Variants in QSER1 observed in about 807,000 individuals in gnomAD.
QSER1 encodes the protein glutamine and serine-rich protein 1.
QSER1 carries 49 observed loss-of-function variants against 158.5 expected under a neutral mutation model. That is an observed-to-expected ratio of 0.31 (90% confidence interval 0.25 to 0.39). The LOEUF (loss-of-function observed/expected upper bound fraction) is 0.39. Ranked by LOEUF, QSER1 falls within the 10% of genes least tolerant of loss-of-function variation. The pLI is 1.00. For synonymous variants in QSER1, 650 were observed against 715.5 expected (o/e 0.91, Z 1.46); for missense variants, 1,754 against 2,010.3 (o/e 0.87, Z 2.44).
In QSER1 at chr11:32,933,678, A is replaced by G. The variant is rs1373796502; in HGVS notation, c.2420A>G (p.Gln807Arg). The change falls in exon 4 of 13, where the codon CAG (glutamine) becomes CGG (arginine). Residue 807 changes from glutamine to arginine, a missense_variant. This residue lies in a region of QSER1 where 1,707 missense variants were observed against 1,919.6 expected (regional missense o/e 0.89). Transcript: ENST00000650167. ...QIRLNTKDLK[Q>R]QHPLILKVHE... ...AGGTTGAATACTAAAGACTTAAAGC[A>G]GCAACATCCTCTCATACTTAAGGTG... is the stretch of plus-strand genomic sequence containing the variant. 2.5e-6 allele frequency: 4 copies of G among 1,613,588 alleles called. No individual in the cohort carries two copies. The East Asian group carries it at 8.9e-5, about 36-fold the overall frequency.
chr11:32,935,554 G>A (rs533514323), intron 4 of QSER1, 119 bp downstream of exon 4: 21 of 703,762 alleles, frequency 3.0e-5, no homozygotes, highest in South Asian at 1.1e-4. Context: ...AGGACAAAAT[G>A]TATAGGTAGG....
At position 32,978,408 on chromosome 11, in the gene QSER1, T is replaced by G. The variant is rs1340893723; in HGVS notation, c.*1934T>G. 6.6e-6 allele frequency: 1 copy of G among 152,222 alleles called. No individual in the cohort carries two copies. Among genetic ancestry groups the G allele is most frequent in the African/African-American group, 2.4e-5 (1 of 41,460 alleles). The allele number at this position is 152,222 out of a possible 1,614,324, so 9.4% of individuals were successfully genotyped here. ...CCAAAGTGCAGAGTAGGGAACTACA[T>G]TTCCTAATGTGGCATTGTAAATATA... On this transcript the variant is annotated 3_prime_UTR_variant, in exon 13 of 13. Coordinates refer to ENST00000650167, the MANE Select transcript of QSER1 (RefSeq NM_001076786.3).
At chr11:32,903,688 C>G (rs1300082923) in intron 1 of QSER1, among the ~76,000 whole-genome samples, 1 of 152,078 alleles carries the variant, frequency 6.6e-6, no homozygotes, top group Non-Finnish European at 1.5e-5. Context: ...CTTGCTGCAA[C>G]TGCAGCCTCC....
intron 1 of QSER1, among the ~76,000 whole-genome samples, chr11:32,902,278 C>G (rs571089580): frequency 7.2e-4 from 109 of 152,194 alleles, no homozygotes; most frequent in Non-Finnish European, 1.2e-3. Flanking sequence ...CTGGCAGGAT[C>G]TTGCTGTAGC....
rs750429752 is a variant in QSER1, at chr11:32,956,097, G to A, written c.4727G>A (p.Arg1576Lys). 1 of 1,611,262 alleles carries A rather than the reference G, an allele frequency of 6.2e-7. No homozygotes were observed. ...GTCAGAGTGTGTTCTAAAAAGCCAAGAAATAAACCTTCACAAACTATCAGG... is the reference window on the plus strand; with the variant it reads ...GTCAGAGTGTGTTCTAAAAAGCCAAAAAATAAACCTTCACAAACTATCAGG... ...EYVRVCSKKP[R>K]NKPSQTIRTV... is the part of the protein sequence containing the mutation. The change falls in exon 7 of 13, where the codon AGA (arginine) becomes AAA (lysine). Residue 1576 changes from arginine to lysine, a missense_variant. Transcript: ENST00000650167.
At chr11:32,975,172 ATC>A in intron 11 of QSER1, 74 bp from the exon 12 acceptor site, 1 of 1,015,610 alleles carries the variant, frequency 9.8e-7, no homozygotes, top group Middle Eastern at 3.4e-4. Context: ...GAGACTTTTG[ATC>A]TAGTATTTTC....
chr11:32,959,339 C>T (rs1454042570), intron 8 of QSER1, among the ~76,000 whole-genome samples: 2 of 152,098 alleles, frequency 1.3e-5, no homozygotes, highest in Non-Finnish European at 2.9e-5. Context: ...TTTTCTAGAA[C>T]ATAAAGTAGA....
chr11:32,947,962 T>C (rs2133573836), intron 4 of QSER1, among the ~76,000 whole-genome samples: 1 of 152,366 alleles, frequency 6.6e-6, no homozygotes, highest in Non-Finnish European at 1.5e-5. Flanking sequence ...GAACATTTTT[T>C]CTTGCGAAAT....
chr11:32,940,163 A>T (rs1852208761), intron 4 of QSER1, among the ~76,000 whole-genome samples: 1 of 152,096 alleles, frequency 6.6e-6, no homozygotes, highest in African/African-American at 2.4e-5. Context: ...TTATTACTGC[A>T]TTTCAGCTCT....
chr11:32,966,520 A>G, intron 9 of QSER1, 83 bp downstream of exon 9: 1 of 1,342,034 alleles, frequency 7.5e-7, no homozygotes, highest in East Asian at 2.4e-5. Context: ...ATATGTTTAT[A>G]TGTGACTTGT....
chr11:32,970,921 G>A (rs1018710466), intron 10 of QSER1, among the ~76,000 whole-genome samples: 2 of 134,344 alleles, frequency 1.5e-5, no homozygotes, highest in African/African-American at 5.4e-5. Context: ...TATTAATTTT[G>A]ATAATTGTCA....
chr11:32,955,332 T>G lies in QSER1; in HGVS notation c.4537T>G (p.Trp1513Gly). ...LKTGKEPPAI[W>G]KVQKALLQKF... ...AACAGGAAAAGAACCTCCAGCTATT[T>G]GGAAAGTACAAAAAGCTTTATTACA... The change falls in exon 6 of 13, where the codon TGG (tryptophan) becomes GGG (glycine). Residue 1513 changes from tryptophan to glycine, a missense_variant. Trp to Gly is a radical substitution (Grantham distance 184, BLOSUM62 -2). Around this residue, in one of 2 missense-constraint regions of QSER1, gnomAD observed 1,707 missense variants for 1,919.6 expected, o/e 0.89. Coordinates refer to ENST00000650167, the MANE Select transcript of QSER1 (RefSeq NM_001076786.3). 6.3e-7 allele frequency: 1 copy of G among 1,597,792 alleles called. No homozygotes were observed. Among genetic ancestry groups the G allele is most frequent in the Non-Finnish European group, 8.5e-7 (1 of 1,174,552 alleles).
At chr11:32,970,232 A>G (rs1159449000) in intron 10 of QSER1, among the ~76,000 whole-genome samples, 2 of 152,196 alleles carry the variant, frequency 1.3e-5, no homozygotes, top group South Asian at 2.1e-4. Flanking sequence ...CTTCATTTCA[A>G]TTAGGTGAAA....
At chr11:32,895,457 GT>G (rs1055538833) in intron 1 of QSER1, among the ~76,000 whole-genome samples, 4 of 152,038 alleles carry the variant, frequency 2.6e-5, no homozygotes, top group African/African-American at 9.7e-5. Context: ...TTTGATTTCA[GT>G]TATATCAAAA....
At chr11:32,973,620 G>A in intron 11 of QSER1, 71 bp downstream of exon 11, 1 of 1,384,316 alleles carries the variant, frequency 7.2e-7, no homozygotes, top group Non-Finnish European at 9.9e-7. Context: ...TTAAAACATT[G>A]AAACAAGCAA....
intron 10 of QSER1, among the ~76,000 whole-genome samples, chr11:32,969,695 T>C (rs1698436274): frequency 1.3e-5 from 2 of 150,082 alleles, no homozygotes; most frequent in African/African-American, 4.9e-5. Context: ...TCTTTTTTTT[T>C]TTTTTTTGAG....
At chr11:32,910,676 C>T (rs1346869389) in intron 1 of QSER1, among the ~76,000 whole-genome samples, 1 of 152,098 alleles carries the variant, frequency 6.6e-6, no homozygotes, top group African/African-American at 2.4e-5. Flanking sequence ...AAATGGATAC[C>T]TTAGAAATGT....
In QSER1 at chr11:32,933,086, G is replaced by A. The variant is rs1389160446; in HGVS notation, c.1828G>A (p.Ala610Thr). ...PSLSYSSASRAQNLPDSSPTQ... is the reference protein window; with the variant it reads ...PSLSYSSASRTQNLPDSSPTQ... ...TCTTTCTTATTCTTCTGCCTCTCGG[G>A]CTCAGAATTTGCCAGACTCTAGCCC... Residue 610 changes from alanine to threonine, a missense_variant, in exon 4 of 13, where the codon GCT (alanine) becomes ACT (threonine). This residue lies in a region of QSER1 where 1,707 missense variants were observed against 1,919.6 expected (regional missense o/e 0.89). Coordinates refer to ENST00000650167, the MANE Select transcript of QSER1 (RefSeq NM_001076786.3). 6 of 1,613,704 alleles carry A rather than the reference G, an allele frequency of 3.7e-6. No individual in the cohort carries two copies. Among genetic ancestry groups the A allele is most frequent in the Non-Finnish European group, 5.1e-6 (6 of 1,179,976 alleles).
chr11:32,932,129 A>T lies in QSER1; in HGVS notation c.871A>T (p.Thr291Ser). The stretch of plus-strand genomic sequence containing the variant: ...TTCAGCACTTGGGGGATCCCAGCAG[A>T]CTCCTCAAGCCTACAGTTCAACTCT... ...LPSALGGSQQ[T>S]PQAYSSTLFT... Residue 291 changes from threonine to serine, a missense_variant, in exon 4 of 13, where the codon ACT becomes TCT. Thr to Ser is a moderately conservative substitution (Grantham distance 58). This residue lies in a region of QSER1 where 1,707 missense variants were observed against 1,919.6 expected (regional missense o/e 0.89). Coordinates refer to ENST00000650167, the MANE Select transcript of QSER1 (RefSeq NM_001076786.3). The T allele has an allele frequency of 6.2e-7, 1 of 1,612,664 alleles. No homozygotes were observed. The highest frequency in any genetic ancestry group is 1.7e-4 in the Middle Eastern group (1 of 6,056).
Sources: gnomAD v4.1 joint callset for allele counts (sites outside exome capture counted in the v4.1 genomes callset) on GRCh38, gnomAD v4.1.1 for gene constraint, gnomAD v4.1.1 regional missense constraint, MANE v1.5 for transcripts, NCBI Gene and HGNC (gene_info 2026-07-23, HGNC 2026-07-21) for gene names.